The following NDUFV3 variants were observed in gnomAD, a reference collection of about 807,000 sequenced individuals.
The protein encoded by NDUFV3 is NADH dehydrogenase [ubiquinone] flavoprotein 3, mitochondrial.
In NDUFV3, 44 loss-of-function variants were observed where a neutral mutation model predicts 37.5. The observed-to-expected ratio is 1.17, with a 90% CI of 0.92 to 1.51. NDUFV3 has a LOEUF of 1.51. NDUFV3 is among the 40% of genes most tolerant of loss of function. The pLI, the probability that NDUFV3 is intolerant of heterozygous loss-of-function variation, is 0.00. For synonymous variants in NDUFV3, 235 were observed against 239.3 expected (o/e 0.98, Z 0.17); for missense variants, 580 against 580.4 (o/e 1.00, Z 0.01).
Position 42,904,090 on chromosome 21 carries a change from A to G in NDUFV3, c.1078A>G (p.Ile360Val). 6.2e-7 allele frequency: 1 copy of G among 1,614,182 alleles called. No individual in the cohort carries two copies. The highest frequency in any genetic ancestry group is 8.5e-7 in the Non-Finnish European group (1 of 1,180,016). ...AAAGGAAACCTCAGGGACGCAGGGA[A>G]TAGAAGGCCACCTGAAGGGTGGACA... The part of the protein sequence containing the change: ...PRKETSGTQG[I>V]EGHLKGGQAI... Residue 360 changes from isoleucine to valine, a missense_variant, in exon 3 of 4, where the codon ATA becomes GTA. Physicochemically the swap from Ile to Val is conservative, Grantham distance 29 (BLOSUM62 3). Transcript: ENST00000354250.
At position 42,903,646 on chromosome 21, in the gene NDUFV3, C is replaced by G; in HGVS notation, c.634C>G (p.Gln212Glu). Residue 212 changes from glutamine (Q) to glutamate (E), a missense_variant, in exon 3 of 4, where the codon CAG (glutamine) becomes GAG (glutamate). Transcript: ENST00000354250. ...ATCAGCAAAAGAGAAAACCTTGCTG[C>G]AGAAGCCGCATGTGGACATTACTGA... ...TVSAKEKTLLQKPHVDITDPE... is the reference protein window; with the variant it reads ...TVSAKEKTLLEKPHVDITDPE... The G allele has an allele frequency of 6.2e-7, 1 of 1,613,998 alleles. No homozygotes were observed. Among genetic ancestry groups the G allele is most frequent in the Non-Finnish European group, 8.5e-7 (1 of 1,180,010 alleles).
intron 3 of NDUFV3, among the ~76,000 whole-genome samples, chr21:42,906,598 C>T (rs1311916583): frequency 6.6e-6 from 1 of 152,174 alleles, no homozygotes; most frequent in Non-Finnish European, 1.5e-5. Context: ...AGACTGCAAA[C>T]CTTTCTGAAG....
chr21:42,901,709 A>T (rs2058718491), intron 2 of NDUFV3, among the ~76,000 whole-genome samples: 1 of 152,110 alleles, frequency 6.6e-6, no homozygotes, highest in African/African-American at 2.4e-5. Context: ...GTCCTCAACA[A>T]CCCAGGGAGT....
intron 3 of NDUFV3, among the ~76,000 whole-genome samples, chr21:42,904,960 T>G (rs1003006394): frequency 2.6e-5 from 4 of 151,694 alleles, no homozygotes; most frequent in Admixed American, 2.6e-4. Flanking sequence ...CCAGCTAATT[T>G]TTGTATTTTT....
chr21:42,898,961 A>G (rs1382532385), intron 2 of NDUFV3, among the ~76,000 whole-genome samples: 2 of 152,170 alleles, frequency 1.3e-5, no homozygotes, highest in Non-Finnish European at 2.9e-5. Flanking sequence ...TTTTAGATAC[A>G]TGCGTCTGTG....
At chr21:42,901,287 A>C (rs2058716807) in intron 2 of NDUFV3, among the ~76,000 whole-genome samples, 1 of 151,960 alleles carries the variant, frequency 6.6e-6, no homozygotes, top group African/African-American at 2.4e-5. Flanking sequence ...AAAATACAAA[A>C]AAAAATTAGC....
At chr21:42,899,686 G>A (rs1167366904) in intron 2 of NDUFV3, among the ~76,000 whole-genome samples, 9 of 152,046 alleles carry the variant, frequency 5.9e-5, no homozygotes, top group African/African-American at 1.9e-4. Flanking sequence ...CTCGTGATCC[G>A]TCCGCCTTGG....
chr21:42,900,603 T>C (rs1231112432), intron 2 of NDUFV3, among the ~76,000 whole-genome samples: 1 of 152,170 alleles, frequency 6.6e-6, no homozygotes, highest in Non-Finnish European at 1.5e-5. Flanking sequence ...TGGTAGTTGG[T>C]AAGTGTAAGA....
rs936263138 is a variant in NDUFV3, at chr21:42,909,298, G to A, written c.*277G>A. The A allele has an allele frequency of 5.2e-6, 2 of 385,154 alleles. No individual in the cohort carries two copies. Among genetic ancestry groups the A allele is most frequent in the South Asian group, 4.3e-5 (2 of 46,226 alleles). The allele number at this position is 385,154 out of a possible 1,614,324, so 23.9% of individuals were successfully genotyped here. On this transcript the variant is annotated 3_prime_UTR_variant, in exon 4 of 4. Transcript: ENST00000354250. ...GTGGGATTACAGGTACTCACCACCA[G>A]GTCCAGCTAACTTTTGTATTTTTAG... is the stretch of plus-strand genomic sequence containing the variant.
At chr21:42,905,606 C>G (rs954979796) in intron 3 of NDUFV3, among the ~76,000 whole-genome samples, 8 of 152,262 alleles carry the variant, frequency 5.3e-5, no homozygotes, top group Non-Finnish European at 8.8e-5. Flanking sequence ...ACCTCCGCCT[C>G]CTGGGTTCAA....
In NDUFV3 at chr21:42,903,888, T is replaced by C. The variant is rs776086892; in HGVS notation, c.876T>C (p.Pro292=). Reference sequence around the variant, plus strand: ...CATTTGAAGTTAAAGGACCCTTACCTGTCCACACAAAATCAGGGTTGTCTG... The same window carrying C: ...CATTTGAAGTTAAAGGACCCTTACCCGTCCACACAAAATCAGGGTTGTCTG... The part of the protein sequence containing the change: ...QKPFEVKGPL[P]VHTKSGLSAP... The change falls in exon 3 of 4, where the codon CCT becomes CCC. Residue 292 remains proline (P), a synonymous_variant. Coordinates refer to ENST00000354250, the MANE Select transcript of NDUFV3 (RefSeq NM_021075.4). 3 of 1,611,632 alleles carry C rather than the reference T, an allele frequency of 1.9e-6. No homozygotes were observed. The South Asian group carries it at 3.3e-5, about 18-fold the overall frequency.
chr21:42,894,334 T>TA (rs1354554458), intron 1 of NDUFV3, among the ~76,000 whole-genome samples: 1 of 51,864 alleles, frequency 1.9e-5, no homozygotes, highest in Non-Finnish European at 3.2e-5. Flanking sequence ...TAAATACATA[T>TA]TATATATATT....
Position 42,894,352 on chromosome 21 carries a change from AATATATAT to A in NDUFV3, c.48+972_48+979del, listed in dbSNP as rs1568853799. ...ATACATATTATATATATTATATATAAATATATATTATATATATATTTATATAATATGTA... is the reference window on the plus strand; with the variant it reads ...ATACATATTATATATATTATATATAATATATATATATTTATATAATATGTA... On this transcript the variant is annotated intron_variant, in intron 1 of 3. Coordinates refer to ENST00000354250, the MANE Select transcript of NDUFV3 (RefSeq NM_021075.4). Among the ~76,000 whole-genome samples, 4 of 38,876 alleles carry A rather than the reference AATATATAT, an allele frequency of 1.0e-4. 1 individual carries two copies. In the African/African-American group the frequency reaches 2.3e-3, roughly 23 times the overall value. 25.5% of individuals were successfully genotyped at this position (38,876 alleles called of 152,430 possible). A position where few individuals can be genotyped will look rare whatever the true frequency, so the allele number is the denominator to read the frequency against.
intron 1 of NDUFV3, among the ~76,000 whole-genome samples, chr21:42,894,906 A>AG (rs1327455284): frequency 6.6e-6 from 1 of 152,122 alleles, no homozygotes; most frequent in Non-Finnish European, 1.5e-5. Flanking sequence ...AGCACTTAAT[A>AG]GGCCTTAGTG....
intron 1 of NDUFV3, among the ~76,000 whole-genome samples, chr21:42,894,919 T>G (rs2058684125): frequency 6.6e-6 from 1 of 152,060 alleles, no homozygotes; most frequent in Non-Finnish European, 1.5e-5. Flanking sequence ...CCTTAGTGAG[T>G]ATATGCTGAG....
chr21:42,897,183 C>G lies in NDUFV3; in HGVS notation c.169+136C>G, dbSNP rs534489859. On this transcript the variant is annotated intron_variant, in intron 2 of 3. Coordinates refer to ENST00000354250, the MANE Select transcript of NDUFV3 (RefSeq NM_021075.4). ...CCTTTTCAGCAGTGTCCAGATTATA[C>G]AAGACACAAGATCTATAACAGATTT... The G allele has an allele frequency of 1.8e-5, 18 of 975,138 alleles. No individual in the cohort carries two copies. In the South Asian group the frequency reaches 2.1e-4, roughly 11 times the overall value. The allele number at this position is 975,138 out of a possible 1,614,324, so 60.4% of individuals were successfully genotyped here.
At chr21:42,893,593 G>A (rs1019655367) in intron 1 of NDUFV3, among the ~76,000 whole-genome samples, 1 of 152,188 alleles carries the variant, frequency 6.6e-6, no homozygotes, top group African/African-American at 2.4e-5. Context: ...CCCCGAGCCG[G>A]TCCGCCGCCG....
rs771235983 is a variant in NDUFV3 at position 42,908,928 on chromosome 21, C to T, written c.1329C>T (p.Asp443=). 1 of 1,614,116 alleles carries T rather than the reference C, an allele frequency of 6.2e-7. No individual in the cohort carries two copies. Among genetic ancestry groups the T allele is most frequent in the South Asian group, 1.1e-5 (1 of 91,082 alleles). ...CCTACAAGAACCTGCAGCATCATGA[C>T]TACAGCACGTACACCTTCTTAGACC... ...NTTYKNLQHH[D]YSTYTFLDLN... The change falls in exon 4 of 4, where the codon GAC becomes GAT. Residue 443 remains aspartate, a synonymous_variant. Coordinates refer to ENST00000354250, the MANE Select transcript of NDUFV3 (RefSeq NM_021075.4).
chr21:42,907,448 ATTTT>A (rs749048453), intron 3 of NDUFV3, among the ~76,000 whole-genome samples: 495 of 123,310 alleles, frequency 4.0e-3, no homozygotes, highest in Non-Finnish European at 5.6e-3. Flanking sequence ...TGCCCTACTA[ATTTT>A]TTTTTTTTTT....
Sources: gnomAD v4.1 joint callset for allele counts (sites outside exome capture counted in the v4.1 genomes callset) on GRCh38, gnomAD v4.1.1 for gene constraint, MANE v1.5 for transcripts, NCBI Gene and HGNC (gene_info 2026-07-23, HGNC 2026-07-21) for gene names.